Variants in FBXO22 observed in about 807,000 individuals in gnomAD.
FBXO22 encodes the protein F-box protein 22.
FBXO22 carries 13 observed loss-of-function variants against 37.2 expected under a neutral mutation model. The observed-to-expected ratio is 0.35, with a 90% CI of 0.23 to 0.56. FBXO22 has a LOEUF of 0.56. Ranked by LOEUF, FBXO22 falls within the 20% of genes least tolerant of loss-of-function variation. The pLI is 0.87. For missense variants in FBXO22, 446 were observed against 509.9 expected, an observed-to-expected ratio of 0.87 and a Z score of 1.21; for synonymous variants, 189 against 189.1, an observed-to-expected ratio of 1.00 and a Z score of 0.00.
At chr15:75,912,716 C>T (rs1173057381) in intron 2 of FBXO22, among the ~76,000 whole-genome samples, 5 of 152,150 alleles carry the variant, frequency 3.3e-5, no homozygotes, top group Admixed American at 2.0e-4. Context: ...AAAAAACCAG[C>T]TCCTGGATTC....
At chr15:75,922,509 A>C (rs1269332006) in intron 5 of FBXO22, among the ~76,000 whole-genome samples, 1 of 152,246 alleles carries the variant, frequency 6.6e-6, no homozygotes, top group Non-Finnish European at 1.5e-5. Flanking sequence ...CTGAAGGAAC[A>C]TAGAAACACA....
At chr15:75,928,421 C>T (rs138491368) in intron 5 of FBXO22, among the ~76,000 whole-genome samples, 11 of 152,244 alleles carry the variant, frequency 7.2e-5, no homozygotes, top group African/African-American at 2.2e-4. Flanking sequence ...AATGAGATCA[C>T]GTCCTTTGCA....
chr15:75,923,455 T>G (rs371508950), intron 5 of FBXO22, among the ~76,000 whole-genome samples: 1 of 152,210 alleles, frequency 6.6e-6, no homozygotes, highest in East Asian at 1.9e-4. Flanking sequence ...TTTCACTTGC[T>G]ATCTTGTGTC....
rs567842683 is a variant in FBXO22 at position 75,929,147 on chromosome 15, G to A, written c.629-737G>A. 2.5e-4 allele frequency among the ~76,000 whole-genome samples: 38 copies of A among 151,988 alleles called. 1 individual carries two copies. The East Asian group carries it at 6.6e-3, about 26-fold the overall frequency. On this transcript the variant is annotated intron_variant, in intron 5 of 6. Transcript: ENST00000308275. The stretch of plus-strand genomic sequence containing the variant: ...AGTCTGTTCTTTTTCTCTTCCTACC[G>A]CTCCAGTTTCTGCTTCTGTGGTCAC...
In FBXO22 at chr15:75,938,481, T is replaced by C. The variant is rs536974038; in HGVS notation, c.*5379T>C. Reference sequence around the variant, plus strand: ...AATGAAGGACATTAAACTAGACATATACTTTAACTCAAATATGCCCAAAGA... The same window carrying C: ...AATGAAGGACATTAAACTAGACATACACTTTAACTCAAATATGCCCAAAGA... On this transcript the variant is annotated 3_prime_UTR_variant, in exon 7 of 7. Coordinates refer to ENST00000308275, the MANE Select transcript of FBXO22 (RefSeq NM_147188.3). The C allele has an allele frequency of 4.6e-5, 7 of 152,226 alleles. No individual in the cohort carries two copies. The East Asian group carries it at 1.2e-3, about 25-fold the overall frequency. The allele number at this position is 152,226 out of a possible 1,614,324, so 9.4% of individuals were successfully genotyped here.
intron 5 of FBXO22, among the ~76,000 whole-genome samples, chr15:75,918,048 G>A (rs550290646): frequency 4.8e-4 from 73 of 152,266 alleles, no homozygotes; most frequent in African/African-American, 1.7e-3. Flanking sequence ...GGAAAGCAGC[G>A]TTTAGCCTTT....
rs1383974805 is a variant in FBXO22 at position 75,932,901 on chromosome 15, G to C, written c.1011G>C (p.Lys337Asn). ...GGGGCTTTCAGTATTACAGAGCCAA[G>C]GGGAATGTTGAGGCTGATGCATTTA... The part of the protein sequence containing the change: ...VGRGFQYYRA[K>N]GNVEADAFRK... The change falls in exon 7 of 7, where the codon AAG becomes AAC. Residue 337 changes from lysine (K) to asparagine (N), a missense_variant. Physicochemically the swap from Lys to Asn is moderately conservative, Grantham distance 94. Coordinates refer to ENST00000308275, the MANE Select transcript of FBXO22 (RefSeq NM_147188.3). The C allele has an allele frequency of 6.2e-7, 1 of 1,614,120 alleles. No individual in the cohort carries two copies. The highest frequency in any genetic ancestry group is 8.5e-7 in the Non-Finnish European group (1 of 1,180,044).
intron 2 of FBXO22, among the ~76,000 whole-genome samples, 197 bp downstream of exon 2, chr15:75,904,826 C>CTT (rs3991408): frequency 0.42 from 57,694 of 136,034 alleles, 13,967 homozygotes; most frequent in South Asian, 0.66. Flanking sequence ...AATGTTGGGC[C>CTT]TTTTTTTTTT....
At chr15:75,905,464 C>G (rs1044683435) in intron 2 of FBXO22, 1 of 152,264 alleles carries the variant, frequency 6.6e-6, no homozygotes, top group African/African-American at 2.4e-5. Context: ...AAGTGCCAAC[C>G]TGCTGCTCTG....
chr15:75,930,152 T>C lies in FBXO22; in HGVS notation c.794+103T>C, dbSNP rs2029963085. 7.0e-6 allele frequency: 11 copies of C among 1,580,012 alleles called. No homozygotes were observed. The Middle Eastern group carries it at 1.3e-3, about 184-fold the overall frequency. ...TTTAAAAAACGTGTTTAAAGAATTA[T>C]TAAGATAATAGTTCATTCCATTTTG... On this transcript the variant is annotated intron_variant, in intron 6 of 6. Transcript: ENST00000308275.
intron 2 of FBXO22, among the ~76,000 whole-genome samples, chr15:75,911,358 A>G (rs1162913647): frequency 6.6e-6 from 1 of 152,156 alleles, no homozygotes; most frequent in Non-Finnish European, 1.5e-5. Context: ...TTTGGGCAAT[A>G]TGGGCATTTT....
chr15:75,918,952 A>G (rs948496944), intron 5 of FBXO22, among the ~76,000 whole-genome samples: 1 of 152,032 alleles, frequency 6.6e-6, no homozygotes. Context: ...CAGTGACCAT[A>G]TATTCTTTTT....
chr15:75,912,485 G>A (rs1489223058), intron 2 of FBXO22, among the ~76,000 whole-genome samples: 2 of 152,002 alleles, frequency 1.3e-5, no homozygotes, highest in Admixed American at 1.3e-4. Flanking sequence ...ACTTCTTCCT[G>A]GTTTAGTGTT....
At chr15:75,916,384 GCTTA>G (rs1567053316) in intron 4 of FBXO22, among the ~76,000 whole-genome samples, 1 of 152,184 alleles carries the variant, frequency 6.6e-6, no homozygotes, top group Non-Finnish European at 1.5e-5. Flanking sequence ...TCTCTCTGAA[GCTTA>G]CTTACAGCTG....
intron 2 of FBXO22, among the ~76,000 whole-genome samples, chr15:75,906,607 A>T (rs1899935042): frequency 6.6e-6 from 1 of 152,096 alleles, no homozygotes. Flanking sequence ...TCAATGCCCC[A>T]TATGTAACCA....
chr15:75,904,866 C>T (rs931278854), intron 2 of FBXO22, among the ~76,000 whole-genome samples: 1 of 149,454 alleles, frequency 6.7e-6, no homozygotes, highest in Non-Finnish European at 1.5e-5. Flanking sequence ...CTCTGTGGCC[C>T]AGGCTGGAGT....
intron 1 of FBXO22, 166 bp from the exon 2 acceptor site, chr15:75,904,325 C>A: frequency 1.7e-6 from 2 of 1,153,168 alleles, no homozygotes; most frequent in Non-Finnish European, 2.5e-6. Flanking sequence ...TTCTCCATAT[C>A]TGGCTCTTCT....
chr15:75,922,628 C>G (rs1900351953), intron 5 of FBXO22, among the ~76,000 whole-genome samples: 1 of 152,164 alleles, frequency 6.6e-6, no homozygotes, highest in Admixed American at 6.5e-5. Flanking sequence ...CGCATTCAGG[C>G]CAGGCTAAAG....
rs187236887 is a variant in FBXO22 at position 75,904,027 on chromosome 15, G to C, written c.64G>C (p.Val22Leu). 23 of 1,575,424 alleles carry C rather than the reference G, an allele frequency of 1.5e-5. No homozygotes were observed. The East Asian group carries it at 5.1e-4, about 35-fold the overall frequency. The stretch of plus-strand genomic sequence containing the variant: ...CTCCGTAGACCCGCGGAGCACCTTC[G>C]TGTTGAGTAACCTGGCGGAGGTGGT... Reference protein sequence around the residue: ...GSSVDPRSTFVLSNLAEVVER... With the variant: ...GSSVDPRSTFLLSNLAEVVER... Residue 22 changes from valine to leucine, a missense_variant, in exon 1 of 7, where the codon GTG becomes CTG. By Grantham distance (32) the Val-to-Leu change is conservative. This residue lies in a region of FBXO22 where 131 missense variants were observed against 99.8 expected (regional missense o/e 1.31). Transcript: ENST00000308275.
Sources: allele counts gnomAD v4.1 joint callset (sites outside exome capture counted in the v4.1 genomes callset), GRCh38; gene constraint gnomAD v4.1.1; regional missense constraint gnomAD v4.1.1; transcripts MANE v1.5; gene names NCBI Gene and HGNC (gene_info 2026-07-23, HGNC 2026-07-21).